Variants in DMD observed in about 807,000 individuals in gnomAD.
DMD encodes mutant dystrophin.
DMD carries 63 observed loss-of-function variants against 330.1 expected under a neutral mutation model. The ratio of observed to expected loss-of-function variants is 0.19; its 90% CI spans 0.16 to 0.24. The LOEUF (loss-of-function observed/expected upper bound fraction) is 0.24. Ranked by LOEUF, DMD falls within the 10% of genes least tolerant of loss-of-function variation. The pLI, the probability that DMD is intolerant of heterozygous loss-of-function variation, is 1.00. For missense variants in DMD, 3,344 were observed against 2,684.1 expected (o/e 1.25, Z -5.43); for synonymous variants, 1,223 against 959.8 (o/e 1.27, Z -5.07).
At chrX:33,323,585 G>C (rs1282369853) in intron 1 of DMD, among the ~76,000 whole-genome samples, 2 of 111,030 alleles carry the variant, frequency 1.8e-5, no homozygotes, top group African/African-American at 6.5e-5. Context: ...TCTTTGCTGG[G>C]CTTTCATATG....
intron 22 of DMD, among the ~76,000 whole-genome samples, chrX:32,470,035 G>A (rs1018895388): frequency 9.0e-6 from 1 of 111,495 alleles, no homozygotes; most frequent in African/African-American, 3.2e-5. Context: ...CCAGCAGTAA[G>A]AGACAATTTT....
At chrX:31,817,176 T>C (rs2092653087) in intron 50 of DMD, among the ~76,000 whole-genome samples, 1 of 112,280 alleles carries the variant, frequency 8.9e-6, no homozygotes, top group African/African-American at 3.2e-5. Context: ...TACAAGTATA[T>C]GTGTAGCTTC....
chrX:31,518,126 A>G (rs1289668916), intron 55 of DMD, among the ~76,000 whole-genome samples: 1 of 111,591 alleles, frequency 9.0e-6, no homozygotes, highest in Non-Finnish European at 1.9e-5. Flanking sequence ...CAATTTCCTG[A>G]GAAAAAGTGG....
chrX:31,658,401 C>G lies in DMD; in HGVS notation c.7873-257G>C, dbSNP rs749543759. ...TTTCAACTTAGTAGCAATTAATTGG[C>G]AATAAAGTGGGCTTAATTGTTTTTA... On this transcript the variant is annotated intron_variant, in intron 53 of 78. Transcript: ENST00000357033. Among the ~76,000 whole-genome samples the G allele has an allele frequency of 4.5e-5, 5 of 111,338 alleles. No individual in the cohort carries two copies. The South Asian group carries it at 1.9e-3, about 42-fold the overall frequency.
chrX:32,348,538 A>T lies in DMD; in HGVS notation c.5326-10T>A. ...TCAAAGGAATGGAGGCCTAAAAAAA[A>T]AGATAGTGCTACTTTAAATCAAAAT... On this transcript the variant is annotated splice_polypyrimidine_tract_variant and intron_variant, in intron 37 of 78. Transcript: ENST00000357033. 8.4e-7 allele frequency: 1 copy of T among 1,192,268 alleles called. No homozygotes were observed. The highest frequency in any genetic ancestry group is 1.1e-6 in the Non-Finnish European group (1 of 882,301).
intron 52 of DMD, among the ~76,000 whole-genome samples, chrX:31,715,442 C>T (rs2084969711): frequency 9.8e-6 from 1 of 101,566 alleles, no homozygotes; most frequent in Admixed American, 1.1e-4. Context: ...ACACGGGAGG[C>T]TGAGGCAGGA....
intron 13 of DMD, among the ~76,000 whole-genome samples, chrX:32,574,615 T>TTG (rs2052813102): frequency 8.9e-6 from 1 of 112,005 alleles, no homozygotes; most frequent in African/African-American, 3.2e-5. Flanking sequence ...GCCTGAATTT[T>TTG]CAACTTTTTG....
At chrX:32,203,654 C>G (rs2097050898) in intron 44 of DMD, among the ~76,000 whole-genome samples, 1 of 111,928 alleles carries the variant, frequency 8.9e-6, no homozygotes, top group Non-Finnish European at 1.9e-5. Context: ...TTGCCATACA[C>G]AATCCAATGC....
At chrX:33,098,512 T>C (rs1204670706) in intron 1 of DMD, among the ~76,000 whole-genome samples, 1 of 111,177 alleles carries the variant, frequency 9.0e-6, no homozygotes, top group Admixed American at 9.7e-5. Context: ...AGCCCTTCTC[T>C]TAAGTAGCAC....
chrX:32,589,730 T>C (rs1215695956), intron 13 of DMD, among the ~76,000 whole-genome samples: 4 of 111,446 alleles, frequency 3.6e-5, no homozygotes, highest in Non-Finnish European at 7.5e-5. Context: ...CTTAAAACAA[T>C]AGGATGTAAC....
chrX:32,694,982 G>A (rs766683021), intron 9 of DMD, among the ~76,000 whole-genome samples: 5 of 111,889 alleles, frequency 4.5e-5, no homozygotes, highest in South Asian at 3.7e-4. Flanking sequence ...AGTTAAAAAC[G>A]TATGGCATGA....
At chrX:31,428,988 G>A (rs375830021) in intron 60 of DMD, among the ~76,000 whole-genome samples, 1,414 of 110,351 alleles carry the variant, frequency 0.013, 12 homozygotes, top group Middle Eastern at 0.023. Flanking sequence ...TGGGCGTGGT[G>A]GTGGATGCCT....
chrX:32,168,183 C>G (rs1289123518), intron 44 of DMD, among the ~76,000 whole-genome samples: 2 of 111,625 alleles, frequency 1.8e-5, no homozygotes, highest in East Asian at 5.6e-4. Flanking sequence ...TTAATCATCT[C>G]TCTCAAGGAG....
intron 55 of DMD, among the ~76,000 whole-genome samples, chrX:31,623,994 T>A (rs2078702993): frequency 9.0e-6 from 1 of 111,399 alleles, no homozygotes; most frequent in Non-Finnish European, 1.9e-5. Context: ...TCTTTCCATT[T>A]TCAGTTAGTT....
intron 74 of DMD, among the ~76,000 whole-genome samples, chrX:31,161,770 T>C (rs1017051425): frequency 1.8e-5 from 2 of 111,425 alleles, no homozygotes; most frequent in Non-Finnish European, 1.9e-5. Context: ...AGGTCAGTTA[T>C]TTTTCTCAAT....
intron 9 of DMD, among the ~76,000 whole-genome samples, chrX:32,651,137 A>C (rs1164432691): frequency 9.6e-6 from 1 of 103,632 alleles, no homozygotes; most frequent in Non-Finnish European, 1.9e-5. Flanking sequence ...ATATAATATA[A>C]CTTTTTTTTT....
intron 17 of DMD, among the ~76,000 whole-genome samples, chrX:32,537,904 C>A (rs1199096984): frequency 8.9e-6 from 1 of 111,981 alleles, no homozygotes; most frequent in African/African-American, 3.2e-5. Context: ...GCTACTGTAG[C>A]CAGACATCCA....
rs761965562 is a variant in DMD, at chrX:32,216,954, C to T, written c.6400G>A (p.Glu2134Lys). Reference protein sequence around the residue: ...EQFLRKTQIPENWEHAKYKWY... With the variant: ...EQFLRKTQIPKNWEHAKYKWY... ...TTGTATTTAGCATGTTCCCAATTCT[C>T]AGGAATTTGTGTCTTTCTGAGAAAC... Residue 2134 changes from glutamate to lysine, a missense_variant, in exon 44 of 79, where the codon GAG (glutamate) becomes AAG (lysine). By Grantham distance (56) the Glu-to-Lys change is moderately conservative. Transcript: ENST00000357033. 2 of 1,208,994 alleles carry T rather than the reference C, an allele frequency of 1.7e-6. No individual in the cohort carries two copies. Among genetic ancestry groups the T allele is most frequent in the Non-Finnish European group, 2.2e-6 (2 of 893,432 alleles).
At chrX:31,375,646 G>T (rs2059849020) in intron 60 of DMD, among the ~76,000 whole-genome samples, 2 of 111,669 alleles carry the variant, frequency 1.8e-5, no homozygotes, top group African/African-American at 6.5e-5. Context: ...CTTACATGAT[G>T]TTCCTAGAAT....
Sources: allele counts gnomAD v4.1 joint callset (sites outside exome capture counted in the v4.1 genomes callset), GRCh38; gene constraint gnomAD v4.1.1; transcripts MANE v1.5; gene names NCBI Gene and HGNC (gene_info 2026-07-23, HGNC 2026-07-21).